Variants in ZFR observed in about 807,000 individuals in gnomAD.
ZFR encodes zinc finger RNA binding protein.
ZFR carries 19 observed loss-of-function variants against 130.7 expected under a neutral mutation model. The ratio of observed to expected loss-of-function variants is 0.15; its 90% CI spans 0.10 to 0.21. The LOEUF is 0.21. ZFR is among the 10% of genes least tolerant of loss of function. ZFR has a pLI of 1.00. For missense variants in ZFR, 872 were observed against 1,321.5 expected (o/e 0.66, Z 5.27); for synonymous variants, 466 against 456.9 (o/e 1.02, Z -0.25).
intron 17 of ZFR, among the ~76,000 whole-genome samples, chr5:32,377,131 G>A (rs1376774595): frequency 6.8e-6 from 1 of 146,472 alleles, no homozygotes; most frequent in Non-Finnish European, 1.5e-5. Flanking sequence ...ACTCCAGCCT[G>A]GGCAACAGAG....
chr5:32,388,723 A>G, intron 12 of ZFR, 49 bp from the exon 13 acceptor site: 1 of 1,474,738 alleles, frequency 6.8e-7, no homozygotes, highest in Non-Finnish European at 9.3e-7. Flanking sequence ...TCCTGAGCAA[A>G]AGCAAATTAT....
At chr5:32,444,466 G>GCCTCCC in intron 1 of ZFR, 138 bp from the exon 2 acceptor site, 3 of 1,278,022 alleles carry the variant, frequency 2.3e-6, no homozygotes, top group Non-Finnish European at 3.1e-6. Context: ...CGGCCGCGCC[G>GCCTCCC]CCTCCCCCTC....
intron 6 of ZFR, among the ~76,000 whole-genome samples, chr5:32,405,452 T>C (rs779577519): frequency 5.9e-5 from 9 of 152,236 alleles, no homozygotes; most frequent in Non-Finnish European, 1.0e-4. Context: ...GAAATACCTG[T>C]GGCCTGTTCT....
chr5:32,356,043 ATGAAAG>A (rs1307059674), intron 19 of ZFR, 104 bp from the exon 20 acceptor site: 26 of 862,306 alleles, frequency 3.0e-5, no homozygotes, highest in Admixed American at 9.2e-5. Flanking sequence ...AGCATGTGTA[ATGAAAG>A]AAACATTTAA....
chr5:32,360,143 A>G (rs1752400574), intron 19 of ZFR, among the ~76,000 whole-genome samples: 1 of 152,168 alleles, frequency 6.6e-6, no homozygotes, highest in Admixed American at 6.5e-5. Flanking sequence ...ACTTAACCTA[A>G]TTCAAGGAAA....
chr5:32,362,856 A>T (rs1752466879), intron 19 of ZFR, among the ~76,000 whole-genome samples: 1 of 152,184 alleles, frequency 6.6e-6, no homozygotes, highest in African/African-American at 2.4e-5. Flanking sequence ...CTTCTTAATG[A>T]TGAATTTTGT....
intron 11 of ZFR, among the ~76,000 whole-genome samples, chr5:32,390,642 C>T (rs1483529101): frequency 6.6e-6 from 1 of 152,086 alleles, no homozygotes; most frequent in Admixed American, 6.5e-5. Flanking sequence ...AAAATTTCAG[C>T]CTGAGGAAAA....
intron 15 of ZFR, among the ~76,000 whole-genome samples, chr5:32,385,033 A>T (rs1753014797): frequency 1.3e-5 from 2 of 152,026 alleles, no homozygotes; most frequent in Admixed American, 6.6e-5. Flanking sequence ...ATCCATTATT[A>T]TATATATATG....
In ZFR at chr5:32,403,380, T is replaced by C. The variant is rs180709809; in HGVS notation, c.1242A>G (p.Thr414=). The change falls in exon 8 of 20, where the codon ACA becomes ACG. Residue 414 remains threonine (T), a synonymous_variant. Transcript: ENST00000265069. ...AKHQKVVKLH[T]KLGKPIPSTE... ...TTGATGGAATGGGTTTACCAAGTTT[T>C]GTGTGTAACTTAACCACCTATAAAA... is the stretch of plus-strand genomic sequence containing the variant. The C allele has an allele frequency of 7.4e-6, 12 of 1,613,096 alleles. No individual in the cohort carries two copies. Among genetic ancestry groups the C allele is most frequent in the Admixed American group, 1.7e-5 (1 of 60,022 alleles).
chr5:32,420,097 C>A lies in ZFR; in HGVS notation c.144G>T (p.Gln48His). 6.4e-7 allele frequency: 1 copy of A among 1,572,038 alleles called. No homozygotes were observed. The highest frequency in any genetic ancestry group is 8.7e-7 in the Non-Finnish European group (1 of 1,153,644). Residue 48 changes from glutamine to histidine, a missense_variant, in exon 3 of 20, where the codon CAG (glutamine) becomes CAT (histidine). Physicochemically the swap from Gln to His is conservative, Grantham distance 24. Coordinates refer to ENST00000265069, the MANE Select transcript of ZFR (RefSeq NM_016107.5). ...GAGAATAGGCTACACCCGAAGCTGG[C>A]TGCTGGCTACATTGTGGAGTACAAG... ...AAAAAAQYSQ[Q>H]PASGVAYSHP...
intron 11 of ZFR, among the ~76,000 whole-genome samples, 160 bp from the exon 12 acceptor site, chr5:32,390,597 G>A (rs1010764618): frequency 1.3e-5 from 2 of 152,108 alleles, no homozygotes; most frequent in Non-Finnish European, 2.9e-5. Context: ...CTTTCATTGC[G>A]AAGTAAATGA....
At chr5:32,431,263 T>C (rs1426041514) in intron 2 of ZFR, among the ~76,000 whole-genome samples, 2 of 152,160 alleles carry the variant, frequency 1.3e-5, no homozygotes, top group Admixed American at 6.5e-5. Context: ...CCAACAGTAA[T>C]TGGTCACGGG....
chr5:32,368,480 C>T (rs1189097454), intron 17 of ZFR, among the ~76,000 whole-genome samples: 1 of 152,196 alleles, frequency 6.6e-6, no homozygotes, highest in Admixed American at 6.5e-5. Context: ...AGGTAATCTG[C>T]CCATCTCAGC....
At position 32,387,713 on chromosome 5, in the gene ZFR, A is replaced by C; in HGVS notation, c.2349-14T>G. ...CCTTTCAAAGCTCTGCAGTAAAATA[A>C]AATTATATTATGATATTTCTCTGCT... On this transcript the variant is annotated splice_polypyrimidine_tract_variant and intron_variant, in intron 13 of 19. Transcript: ENST00000265069. 6.3e-7 allele frequency: 1 copy of C among 1,597,152 alleles called. No individual in the cohort carries two copies. Among genetic ancestry groups the C allele is most frequent in the South Asian group, 1.1e-5 (1 of 88,916 alleles).
chr5:32,404,244 A>T (rs146975573), intron 6 of ZFR, 147 bp from the exon 7 acceptor site: 185 of 597,808 alleles, frequency 3.1e-4, no homozygotes, highest in African/African-American at 4.8e-4. Context: ...GGCATTCGTT[A>T]CATATGTGAC....
At chr5:32,428,089 CA>C (rs1754117096) in intron 2 of ZFR, among the ~76,000 whole-genome samples, 1 of 152,138 alleles carries the variant, frequency 6.6e-6, no homozygotes, top group Non-Finnish European at 1.5e-5. Flanking sequence ...ATCAAAAGCA[CA>C]GGCAAAAAAT....
chr5:32,390,112 G>C (rs933172212), intron 12 of ZFR, among the ~76,000 whole-genome samples, 163 bp downstream of exon 12: 1 of 152,220 alleles, frequency 6.6e-6, no homozygotes, highest in Admixed American at 6.5e-5. Context: ...CCGAGATCAC[G>C]CCACTGCACT....
chr5:32,415,511 T>G (rs78595303), intron 4 of ZFR, among the ~76,000 whole-genome samples: 5 of 93,484 alleles, frequency 5.3e-5, no homozygotes, highest in Admixed American at 5.0e-4. Flanking sequence ...TGTGTGTGTG[T>G]GTGTGCGCGC....
intron 17 of ZFR, among the ~76,000 whole-genome samples, chr5:32,371,582 G>T (rs1752669466): frequency 1.3e-5 from 2 of 151,982 alleles, no homozygotes; most frequent in South Asian, 2.1e-4. Context: ...TTGGAGAAAG[G>T]TAAAATGAAT....
Sources: allele counts gnomAD v4.1 joint callset (sites outside exome capture counted in the v4.1 genomes callset), GRCh38; gene constraint gnomAD v4.1.1; transcripts MANE v1.5; gene names NCBI Gene and HGNC (gene_info 2026-07-23, HGNC 2026-07-21).